E2F8: variants seen among roughly 807,000 people sequenced by gnomAD.
E2F8 encodes the protein E2F transcription factor 8, also known as transcription factor E2F8.
Under a neutral mutation model 80.8 loss-of-function variants are expected in E2F8, and 35 were observed. The observed-to-expected ratio is 0.43, with a 90% CI of 0.33 to 0.57. E2F8 has a LOEUF of 0.57. Among genes scored for constraint, E2F8 ranks in the 20% least tolerant of loss-of-function variants. The pLI is 0.04. For synonymous variants in E2F8, 386 were observed against 395.0 expected, an observed-to-expected ratio of 0.98 and a Z score of 0.27; for missense variants, 975 against 1,056.2, an observed-to-expected ratio of 0.92 and a Z score of 1.07.
At chr11:19,235,483 C>G (rs1295393078) in intron 4 of E2F8, among the ~76,000 whole-genome samples, 1 of 152,152 alleles carries the variant, frequency 6.6e-6, no homozygotes, top group African/African-American at 2.4e-5. Flanking sequence ...CCAGTCTCTA[C>G]TAAAAATACA....
Position 19,234,496 on chromosome 11 carries a change from C to G in E2F8, c.792G>C (p.Lys264Asn). 1 of 1,614,124 alleles carries G rather than the reference C, an allele frequency of 6.2e-7. No individual in the cohort carries two copies. The highest frequency in any genetic ancestry group is 8.5e-7 in the Non-Finnish European group (1 of 1,180,016). Residue 264 changes from lysine to asparagine, a missense_variant, in exon 6 of 13, where the codon AAG (lysine) becomes AAC (asparagine). Physicochemically the swap from Lys to Asn is moderately conservative, Grantham distance 94. Transcript: ENST00000250024. ...ATTTCTGGCTCATTACCCTTAAAGACTTGTCTTTGCGGCTGTTTACAGAAG... is the reference window on the plus strand; with the variant it reads ...ATTTCTGGCTCATTACCCTTAAAGAGTTGTCTTTGCGGCTGTTTACAGAAG... The part of the protein sequence containing the change: ...RAASVNSRKD[K>N]SLRVMSQKFV...
At chr11:19,228,896 C>CA (rs1851300906) in intron 10 of E2F8, among the ~76,000 whole-genome samples, 1 of 152,154 alleles carries the variant, frequency 6.6e-6, no homozygotes, top group South Asian at 2.1e-4. Flanking sequence ...TCTAGCATGT[C>CA]AAAATCTCTA....
At chr11:19,237,240 G>A (rs1016466436) in intron 4 of E2F8, 74 bp downstream of exon 4, 23 of 1,392,944 alleles carry the variant, frequency 1.7e-5, no homozygotes, top group Admixed American at 7.3e-5. Context: ...CTAGATGAGC[G>A]GGGGTCTGAA....
intron 6 of E2F8, 132 bp downstream of exon 6, chr11:19,234,228 G>T (rs1458372010): frequency 1.0e-6 from 1 of 964,182 alleles, no homozygotes; most frequent in Non-Finnish European, 1.5e-6. Context: ...GGCTTCTGGG[G>T]AGAAGATATA....
intron 6 of E2F8, 68 bp downstream of exon 6, chr11:19,234,292 T>C: frequency 6.5e-7 from 1 of 1,547,022 alleles, no homozygotes. Flanking sequence ...AATTTGGAAA[T>C]GAGTTTACGA....
intron 12 of E2F8, 168 bp from the exon 13 acceptor site, chr11:19,225,008 G>T (rs371499092): frequency 8.9e-7 from 1 of 1,117,884 alleles, no homozygotes; most frequent in Non-Finnish European, 1.3e-6. Flanking sequence ...AATTATTTTT[G>T]TTAGGGGAGA....
Position 19,230,787 on chromosome 11 carries a change from G to T in E2F8, c.1114C>A (p.Arg372=), listed in dbSNP as rs150203629. 6.2e-7 allele frequency: 1 copy of T among 1,614,052 alleles called. No individual in the cohort carries two copies. The highest frequency in any genetic ancestry group is 8.5e-7 in the Non-Finnish European group (1 of 1,180,042). The part of the protein sequence containing the change: ...HFTPSDLEVR[R]SSKENCAKNL... ...TTGGCACAGTTCTCTTTTGAAGACC[G>T]TCTCACCTCCAAATCAGAGGGAGTA... Residue 372 remains arginine (R), a synonymous_variant, in exon 8 of 13, where the codon CGG becomes AGG. Coordinates refer to ENST00000250024, the MANE Select transcript of E2F8 (RefSeq NM_024680.4).
chr11:19,230,465 C>A, intron 8 of E2F8, 137 bp from the exon 9 acceptor site: 1 of 1,188,682 alleles, frequency 8.4e-7, no homozygotes, highest in South Asian at 1.5e-5. Context: ...ACAATAAACC[C>A]CACAAATGAC....
At chr11:19,227,917 G>A (rs963971525) in intron 10 of E2F8, among the ~76,000 whole-genome samples, 6 of 152,056 alleles carry the variant, frequency 3.9e-5, no homozygotes, top group East Asian at 1.9e-4. Flanking sequence ...GTGAAACCCC[G>A]TCTCCACAAA....
chr11:19,236,022 A>G (rs1851509698), intron 4 of E2F8, among the ~76,000 whole-genome samples: 1 of 152,190 alleles, frequency 6.6e-6, no homozygotes, highest in African/African-American at 2.4e-5. Flanking sequence ...GTAATGTTAG[A>G]ATTCTCTTCG....
chr11:19,227,945 G>T (rs573602163), intron 10 of E2F8, among the ~76,000 whole-genome samples: 1 of 152,108 alleles, frequency 6.6e-6, no homozygotes, highest in South Asian at 2.1e-4. Flanking sequence ...AAATTAGCCG[G>T]GCATGGCAGC....
At chr11:19,239,304 A>ATG (rs1851601147) in intron 2 of E2F8, among the ~76,000 whole-genome samples, 2 of 152,186 alleles carry the variant, frequency 1.3e-5, no homozygotes, top group African/African-American at 4.8e-5. Flanking sequence ...GGAAGTCAGT[A>ATG]TGGTGGACCC....
chr11:19,232,494 T>A, intron 6 of E2F8, 123 bp from the exon 7 acceptor site: 1 of 740,458 alleles, frequency 1.4e-6, no homozygotes, highest in Non-Finnish European at 2.1e-6. Context: ...CAGAGAAACA[T>A]CTGCCTCCTT....
At chr11:19,232,456 A>T in intron 6 of E2F8, 85 bp from the exon 7 acceptor site, 1 of 1,189,972 alleles carries the variant, frequency 8.4e-7, no homozygotes, top group Non-Finnish European at 1.2e-6. Context: ...TGTATATTCT[A>T]AGAGCTGTCT....
intron 10 of E2F8, among the ~76,000 whole-genome samples, chr11:19,228,096 G>A (rs1851282046): frequency 6.6e-6 from 1 of 152,084 alleles, no homozygotes; most frequent in African/African-American, 2.4e-5. Flanking sequence ...AAAGAAAAAA[G>A]AAATGGTTAG....
chr11:19,237,749 T>C, intron 3 of E2F8, 105 bp downstream of exon 3: 1 of 1,437,062 alleles, frequency 7.0e-7, no homozygotes, highest in Non-Finnish European at 9.4e-7. Flanking sequence ...AATAACAGCC[T>C]TCGGGTGGTG....
chr11:19,234,845 TTAA>T lies in E2F8; in HGVS notation c.662_664del (p.Ile221del), dbSNP rs1292925106. The T allele has an allele frequency of 3.1e-6, 5 of 1,614,254 alleles. No homozygotes were observed. The highest frequency in any genetic ancestry group is 4.2e-6 in the Non-Finnish European group (5 of 1,180,054). On this transcript the variant is annotated inframe_deletion, in exon 5 of 13. Coordinates refer to ENST00000250024, the MANE Select transcript of E2F8 (RefSeq NM_024680.4). ...GATATGATCCTCTATACTGTAACTC[TTAA>T]TAAAGTCAAACTCTTGCTCATATTC...
rs148418534 is a variant in E2F8 at position 19,229,857 on chromosome 11, A to T, written c.1490T>A (p.Val497Asp). The T allele has an allele frequency of 7.6e-5, 122 of 1,613,778 alleles. No individual in the cohort carries two copies. The African/African-American group carries it at 1.6e-3, about 21-fold the overall frequency. ...APSLIQPLGM[V>D]PLIPSPLSSA... ...TGACAAGGGGCTGGGGATCAGGGGA[A>T]CCATTCCCAGGGGCTGGATGAGGGA... Residue 497 changes from valine (V) to aspartate (D), a missense_variant, in exon 10 of 13, where the codon GTT (valine) becomes GAT (aspartate). Val to Asp is a radical substitution (Grantham distance 152, BLOSUM62 -3). Coordinates refer to ENST00000250024, the MANE Select transcript of E2F8 (RefSeq NM_024680.4). The surrounding 1 kb of genome is among the most constrained non-coding windows in gnomAD (Gnocchi z 4.3).
rs1565072931 is a variant in E2F8, at chr11:19,237,977, C to A, written c.171G>T (p.Trp57Cys). 1.1e-5 allele frequency: 18 copies of A among 1,614,004 alleles called. No individual in the cohort carries two copies. Among genetic ancestry groups the A allele is most frequent in the Non-Finnish European group, 1.5e-5 (18 of 1,180,026 alleles). Reference sequence around the variant, plus strand: ...GCATTTTCAGGTTGGCTGTCGGTGTCCACGGCTCTCCCTGAGAGCCTTCCT... The same window carrying A: ...GCATTTTCAGGTTGGCTGTCGGTGTACACGGCTCTCCCTGAGAGCCTTCCT... ...KPKEGSQGEP[W>C]TPTANLKMLI... Residue 57 changes from tryptophan to cysteine, a missense_variant, in exon 3 of 13, where the codon TGG (tryptophan) becomes TGT (cysteine). Coordinates refer to ENST00000250024, the MANE Select transcript of E2F8 (RefSeq NM_024680.4).
Sources: gnomAD v4.1 joint callset for allele counts (sites outside exome capture counted in the v4.1 genomes callset) on GRCh38, gnomAD v4.1.1 for gene constraint, Gnocchi (gnomAD v3.1) non-coding constraint, MANE v1.5 for transcripts, NCBI Gene and HGNC (gene_info 2026-07-23, HGNC 2026-07-21) for gene names.